The following PRKG1 variants were observed in gnomAD, a reference collection of about 807,000 sequenced individuals.
PRKG1 encodes cGMP-dependent protein kinase 1.
Under a neutral mutation model 88.1 loss-of-function variants are expected in PRKG1, and 35 were observed. The ratio of observed to expected loss-of-function variants is 0.40; its 90% CI spans 0.30 to 0.53. The LOEUF is 0.53. PRKG1 is among the 20% of genes least tolerant of loss of function. PRKG1 has a pLI of 0.59. For missense variants in PRKG1, 540 were observed against 839.8 expected (o/e 0.64, Z 4.41); for synonymous variants, 303 against 292.5 (o/e 1.04, Z -0.37).
chr10:51,306,660 T>A (rs1841045995), intron 2 of PRKG1: 1 of 152,142 alleles, frequency 6.6e-6, no homozygotes, highest in Non-Finnish European at 1.5e-5. Flanking sequence ...ATGGACAACA[T>A]CTAGTAAAGG....
intron 7 of PRKG1, among the ~76,000 whole-genome samples, chr10:52,126,293 A>G (rs1847929406): frequency 6.6e-6 from 1 of 152,088 alleles, no homozygotes; most frequent in Non-Finnish European, 1.5e-5. Flanking sequence ...ATATTTGTTA[A>G]AATAATTGCT....
intron 3 of PRKG1, among the ~76,000 whole-genome samples, chr10:51,669,037 A>G (rs1840491064): frequency 6.6e-6 from 1 of 152,188 alleles, no homozygotes; most frequent in Admixed American, 6.5e-5. Flanking sequence ...TGTTCACGCT[A>G]ATTCGCCATC....
intron 1 of PRKG1, among the ~76,000 whole-genome samples, chr10:51,128,219 C>T (rs1431920614): frequency 8.8e-6 from 1 of 113,546 alleles, no homozygotes; most frequent in East Asian, 2.7e-4. Context: ...AAAAAAAATC[C>T]GGATAGACTT....
intron 1 of PRKG1, among the ~76,000 whole-genome samples, chr10:51,001,946 C>T (rs1383109742): frequency 1.3e-5 from 1 of 79,044 alleles, no homozygotes. Flanking sequence ...TTATCAAGTA[C>T]ATATGGTCTT....
chr10:52,246,621 A>G (rs1841029468), intron 9 of PRKG1, among the ~76,000 whole-genome samples: 1 of 152,162 alleles, frequency 6.6e-6, no homozygotes, highest in Admixed American at 6.5e-5. Context: ...TCATGCCTGT[A>G]ATCCCAGCAC....
Position 52,297,281 on chromosome 10 carries a change from A to C in PRKG1, c.*3381A>C, listed in dbSNP as rs559277433. ...TGTCATAATTGTCAGTATTATTGAA[A>C]ATTATGTCAACTGTACTGTTATTCA... is the stretch of plus-strand genomic sequence containing the variant. On this transcript the variant is annotated 3_prime_UTR_variant, in exon 18 of 18. Coordinates refer to ENST00000373980, the MANE Select transcript of PRKG1 (RefSeq NM_006258.4). The C allele has an allele frequency of 6.6e-6, 1 of 152,202 alleles. No homozygotes were observed. Among genetic ancestry groups the C allele is most frequent in the Admixed American group, 6.6e-5 (1 of 15,250 alleles). The allele number at this position is 152,202 out of a possible 1,614,324, so 9.4% of individuals were successfully genotyped here.
At chr10:51,197,002 T>G (rs889458762) in intron 2 of PRKG1, among the ~76,000 whole-genome samples, 30 of 152,134 alleles carry the variant, frequency 2.0e-4, no homozygotes, top group African/African-American at 5.8e-4. Context: ...TCTGCTTGTG[T>G]TCTGATTATT....
chr10:51,083,726 G>T (rs1027688231), intron 1 of PRKG1, among the ~76,000 whole-genome samples: 3 of 152,104 alleles, frequency 2.0e-5, no homozygotes, highest in Non-Finnish European at 2.9e-5. Context: ...AAAGATCTTG[G>T]TGTGTCCCTC....
intron 2 of PRKG1, among the ~76,000 whole-genome samples, chr10:51,381,146 A>C (rs1490025699): frequency 6.6e-6 from 1 of 151,488 alleles, no homozygotes; most frequent in African/African-American, 2.4e-5. Flanking sequence ...AGTCCCAGCT[A>C]CTCAGGAGGC....
At chr10:51,214,446 A>G (rs773055592) in intron 2 of PRKG1, among the ~76,000 whole-genome samples, 7 of 152,134 alleles carry the variant, frequency 4.6e-5, no homozygotes, top group Non-Finnish European at 8.8e-5. Flanking sequence ...TTGCTACTTA[A>G]TCAGTCAGGA....
At chr10:51,232,657 A>T (rs1564648326) in intron 2 of PRKG1, among the ~76,000 whole-genome samples, 1 of 152,162 alleles carries the variant, frequency 6.6e-6, no homozygotes, top group Non-Finnish European at 1.5e-5. Flanking sequence ...GCAATGGAAA[A>T]AAAAATTCTT....
intron 8 of PRKG1, among the ~76,000 whole-genome samples, chr10:52,142,201 A>G (rs552986724): frequency 6.6e-6 from 1 of 152,236 alleles, no homozygotes; most frequent in South Asian, 2.1e-4. Context: ...AAGCTCTTTA[A>G]TGTTAAGGGT....
chr10:51,080,691 C>T (rs1467188437), intron 1 of PRKG1, among the ~76,000 whole-genome samples: 2 of 152,198 alleles, frequency 1.3e-5, no homozygotes, highest in Non-Finnish European at 2.9e-5. Flanking sequence ...ATTATGCAAT[C>T]ACATCCTTGG....
chr10:51,895,963 C>T (rs995287878), intron 4 of PRKG1, among the ~76,000 whole-genome samples: 21 of 152,050 alleles, frequency 1.4e-4, no homozygotes, highest in African/African-American at 3.6e-4. Flanking sequence ...CCATTGGACT[C>T]CAAGGGCCCC....
intron 1 of PRKG1, among the ~76,000 whole-genome samples, chr10:51,025,268 G>C (rs532592839): frequency 6.6e-6 from 1 of 152,210 alleles, no homozygotes; most frequent in African/African-American, 2.4e-5. Context: ...TCCTCTATCA[G>C]GCTTGACAGT....
intron 5 of PRKG1, among the ~76,000 whole-genome samples, chr10:51,950,160 C>A (rs1843149827): frequency 6.6e-6 from 1 of 152,198 alleles, no homozygotes; most frequent in South Asian, 2.1e-4. Flanking sequence ...TCAAATGTCA[C>A]AATGCCTTTT....
In PRKG1 at chr10:51,197,111, T is replaced by G. The variant is rs149791971; in HGVS notation, c.478+43781T>G. On this transcript the variant is annotated intron_variant, in intron 2 of 17. Coordinates refer to ENST00000373980, the MANE Select transcript of PRKG1 (RefSeq NM_006258.4). ...TGGTACAGTACCTATTTAAGTGACTTACCCATTTATAAAAATTATTAACAC... is the reference window on the plus strand; with the variant it reads ...TGGTACAGTACCTATTTAAGTGACTGACCCATTTATAAAAATTATTAACAC... Among the ~76,000 whole-genome samples the G allele has an allele frequency of 2.0e-3, 297 of 152,230 alleles. 1 individual carries two copies. The highest frequency in any genetic ancestry group is 7.0e-3 in the African/African-American group (289 of 41,534).
In PRKG1 at chr10:52,293,988, T is replaced by A; in HGVS notation, c.*88T>A. 1 of 1,124,318 alleles carries A rather than the reference T, an allele frequency of 8.9e-7. No homozygotes were observed. Among genetic ancestry groups the A allele is most frequent in the Non-Finnish European group, 1.3e-6 (1 of 758,320 alleles). The allele number at this position is 1,124,318 out of a possible 1,614,324, so 69.6% of individuals were successfully genotyped here. A position where few individuals can be genotyped will look rare whatever the true frequency, so the allele number is the denominator to read the frequency against. On this transcript the variant is annotated 3_prime_UTR_variant, in exon 18 of 18. Transcript: ENST00000373980. ...CAAACCTGAGGGAAAGAGAGAAGATTAGTGCTCGGGGTCACCATGATGCCT... is the reference window on the plus strand; with the variant it reads ...CAAACCTGAGGGAAAGAGAGAAGATAAGTGCTCGGGGTCACCATGATGCCT...
intron 5 of PRKG1, among the ~76,000 whole-genome samples, chr10:51,912,336 G>C (rs545579453): frequency 3.3e-5 from 5 of 152,274 alleles, no homozygotes; most frequent in African/African-American, 1.2e-4. Context: ...GTAATGGGGA[G>C]ATTTTTATGG....
Sources: allele counts gnomAD v4.1 joint callset (sites outside exome capture counted in the v4.1 genomes callset), GRCh38; gene constraint gnomAD v4.1.1; transcripts MANE v1.5; gene names NCBI Gene and HGNC (gene_info 2026-07-23, HGNC 2026-07-21).